HLA-DQA1: variants seen among roughly 807,000 people sequenced by gnomAD.
The protein encoded by HLA-DQA1 is HLA class II histocompatibility antigen, DQ alpha 1 chain.
In HLA-DQA1, 10 loss-of-function variants were observed where a neutral mutation model predicts 20.7. The ratio of observed to expected loss-of-function variants is 0.48; its 90% CI spans 0.30 to 0.82. The LOEUF (loss-of-function observed/expected upper bound fraction) is 0.82. Ranked by LOEUF, HLA-DQA1 falls within the 40% of genes least tolerant of loss-of-function variation. The pLI, the probability that HLA-DQA1 is intolerant of heterozygous loss-of-function variation, is 0.07. For synonymous variants in HLA-DQA1, 39 were observed against 109.2 expected (o/e 0.36, Z 4.01); for missense variants, 127 against 293.0 (o/e 0.43, Z 4.14).
At chr6:32,646,681 G>A (rs950241435), downstream of HLA-DQA1, 28 of 48,498 alleles carry the variant, frequency 5.8e-4, 9 homozygotes, top group African/African-American at 1.7e-3. Context: ...TACAAATGAA[G>A]CACTTCATGC....
chr6:32,638,736 G>A (rs895959542), intron 1 of HLA-DQA1, among the ~76,000 whole-genome samples: 3 of 86,634 alleles, frequency 3.5e-5, no homozygotes, highest in Non-Finnish European at 7.6e-5. Flanking sequence ...AGGAAGGAAG[G>A]AAAAGAAAAG....
At chr6:32,641,108 C>G (rs9272674) in intron 1 of HLA-DQA1, among the ~76,000 whole-genome samples, 1 of 105,220 alleles carries the variant, frequency 9.5e-6, no homozygotes, top group Admixed American at 1.1e-4. Flanking sequence ...GTAGCGCACA[C>G]TAGAGTGGGA....
chr6:32,641,896 G>A (rs9272737), intron 2 of HLA-DQA1, 76 bp from the exon 3 acceptor site: 45,996 of 783,350 alleles, frequency 0.059, 8,213 homozygotes, highest in Middle Eastern at 0.1. Flanking sequence ...TGGTAGGAGG[G>A]CTCTTCCAGG....
At chr6:32,644,992 G>A (rs9273128), downstream of HLA-DQA1, 1 of 135,746 alleles carries the variant, frequency 7.4e-6, no homozygotes, top group Non-Finnish European at 1.6e-5. Context: ...AACCAGTGAT[G>A]ATCATGAAAA....
chr6:32,641,220 T>C (rs369257589), intron 1 of HLA-DQA1, 90 bp from the exon 2 acceptor site: 3 of 897,586 alleles, frequency 3.3e-6, no homozygotes, highest in South Asian at 2.8e-5. Context: ...GCCCATAATA[T>C]TTGAAAGTCA....
At chr6:32,650,856 A>G (rs1469593769), downstream of HLA-DQA1, among the ~76,000 whole-genome samples, 9 of 21,554 alleles carry the variant, frequency 4.2e-4, 3 homozygotes, top group South Asian at 7.2e-3. Flanking sequence ...TAATAATAAT[A>G]ATAATAATAA....
chr6:32,647,405 G>A (rs1254302570), downstream of HLA-DQA1, among the ~76,000 whole-genome samples: 2 of 96,370 alleles, frequency 2.1e-5, 1 homozygote, highest in Non-Finnish European at 4.6e-5. Context: ...GGAGGCAGAG[G>A]TTGCAGTGAA....
At chr6:32,651,339 C>T (rs1782175535), downstream of HLA-DQA1, among the ~76,000 whole-genome samples, 1 of 80,144 alleles carries the variant, frequency 1.2e-5, no homozygotes, top group African/African-American at 4.3e-5. Flanking sequence ...AATCCCAGCA[C>T]TTTGGGAGGC....
chr6:32,641,154 T>C (rs9272679), intron 1 of HLA-DQA1, among the ~76,000 whole-genome samples, 156 bp from the exon 2 acceptor site: 40,931 of 103,772 alleles, frequency 0.39, 12,490 homozygotes, highest in East Asian at 0.57. Context: ...ACTACCAACA[T>C]GAAGAGGGGA....
the HLA-DQA1 span, among the ~76,000 whole-genome samples, chr6:32,654,602 A>G: frequency 2.0e-5 from 2 of 97,644 alleles, no homozygotes; most frequent in African/African-American, 7.0e-5. Context: ...ATTGTTTTGG[A>G]ATTGGAATTT....
rs80317061 is a variant in HLA-DQA1 at position 32,637,813 on chromosome 6, T to C, written c.82+273T>C. On this transcript the variant is annotated intron_variant, in intron 1 of 4. Transcript: ENST00000343139. ...AGGTCTCTATGTCGTTCCATCATGA[T>C]TGCCTCAAAAATTAGTGAGGTTTCC... is the stretch of plus-strand genomic sequence containing the variant. Among the ~76,000 whole-genome samples, 99 of 114,830 alleles carry C rather than the reference T, an allele frequency of 8.6e-4. 1 individual carries two copies. Among genetic ancestry groups the C allele is most frequent in the East Asian group, 2.1e-3 (8 of 3,790 alleles). The allele number at this position is 114,830 out of a possible 152,430, so 75.3% of individuals were successfully genotyped here.
chr6:32,638,599 T>C (rs74801991), intron 1 of HLA-DQA1, among the ~76,000 whole-genome samples: 10,005 of 98,780 alleles, frequency 0.1, 2,886 homozygotes, highest in African/African-American at 0.15. Context: ...ACCACTTGAG[T>C]CCATGAGGCG....
At chr6:32,638,699 G>GAGAA (rs1561936859) in intron 1 of HLA-DQA1, among the ~76,000 whole-genome samples, 3 of 76,830 alleles carry the variant, frequency 3.9e-5, no homozygotes, top group Non-Finnish European at 2.8e-5. Context: ...GAAAGAAAGC[G>GAGAA]AGGAAGGAAG....
At chr6:32,652,881 C>T in the HLA-DQA1 span, among the ~76,000 whole-genome samples, 82,141 of 146,220 alleles carry the variant, frequency 0.56, 24,074 homozygotes, top group Middle Eastern at 0.7. Context: ...GTTTTAGAAA[C>T]TGTATTATTA....
chr6:32,637,576 A>G (rs9272436), intron 1 of HLA-DQA1, 36 bp downstream of exon 1: 57,034 of 839,112 alleles, frequency 0.068, 10,858 homozygotes, highest in Admixed American at 0.24. Flanking sequence ...TCTGGAGCTG[A>G]AAAACAGTAA....
rs1781295008 is a variant in HLA-DQA1 at position 32,640,500 on chromosome 6, A to G, written c.83-810A>G. On this transcript the variant is annotated intron_variant, in intron 1 of 4. Coordinates refer to ENST00000343139, the MANE Select transcript of HLA-DQA1 (RefSeq NM_002122.5). ...AAGCACACTGCCCATTAGAGGAAAA[A>G]GTGTGATATAAGTGTTGAGTCAGAA... 3.6e-5 allele frequency among the ~76,000 whole-genome samples: 2 copies of G among 56,288 alleles called. 1 individual carries two copies. The highest frequency in any genetic ancestry group is 1.0e-4 in the African/African-American group (2 of 19,360). 36.9% of individuals were successfully genotyped at this position (56,288 alleles called of 152,430 possible). A position where few individuals can be genotyped will look rare whatever the true frequency, so the allele number is the denominator to read the frequency against.
downstream of HLA-DQA1, among the ~76,000 whole-genome samples, chr6:32,648,554 A>T: frequency 1.0e-5 from 1 of 97,538 alleles, no homozygotes; most frequent in East Asian, 3.3e-4. Context: ...CAATAGATGC[A>T]GAAAAGGACT....
chr6:32,639,736 C>T (rs71542422), intron 1 of HLA-DQA1: 10,158 of 90,734 alleles, frequency 0.11, 3,653 homozygotes, highest in South Asian at 0.25. Context: ...GGGTGACGTC[C>T]TCTAGCAAAA....
In HLA-DQA1 at chr6:32,638,782, CAGAA is replaced by C. The variant is rs1362299798; in HGVS notation, c.82+1250_82+1253del. The stretch of plus-strand genomic sequence containing the variant: ...GGAGGAAGGAAGGGAAAAAGAAAGA[CAGAA>C]AGAAAGAGGAAGGAAGGAAGAAAGG... On this transcript the variant is annotated intron_variant, in intron 1 of 4. Coordinates refer to ENST00000343139, the MANE Select transcript of HLA-DQA1 (RefSeq NM_002122.5). 11 of 98,828 alleles carry C rather than the reference CAGAA, an allele frequency of 1.1e-4. 3 individuals are homozygous for C. Among genetic ancestry groups the C allele is most frequent in the Non-Finnish European group, 2.4e-4 (11 of 45,932 alleles). 6.1% of individuals were successfully genotyped at this position (98,828 alleles called of 1,614,324 possible). A position where few individuals can be genotyped will look rare whatever the true frequency, so the allele number is the denominator to read the frequency against.
Sources: allele counts gnomAD v4.1 joint callset (sites outside exome capture counted in the v4.1 genomes callset), GRCh38; gene constraint gnomAD v4.1.1; transcripts MANE v1.5; gene names NCBI Gene and HGNC (gene_info 2026-07-23, HGNC 2026-07-21).